The following RAB2A variants were observed in gnomAD, a reference collection of about 807,000 sequenced individuals.
The protein encoded by RAB2A is ras-related protein Rab-2A.
Under a neutral mutation model 32.5 loss-of-function variants are expected in RAB2A, and 7 were observed. The observed-to-expected ratio is 0.22, with a 90% CI of 0.12 to 0.40. The LOEUF (loss-of-function observed/expected upper bound fraction) is 0.40, where lower values mean the gene tolerates loss of function less well. Among genes scored for constraint, RAB2A ranks in the 10% least tolerant of loss-of-function variants. RAB2A has a pLI of 1.00. For synonymous variants in RAB2A, 79 were observed against 85.2 expected (o/e 0.93, Z 0.40); for missense variants, 108 against 260.7 (o/e 0.41, Z 4.03).
intron 1 of RAB2A, among the ~76,000 whole-genome samples, chr8:60,536,315 A>G (rs1232615634): frequency 1.3e-5 from 2 of 152,108 alleles, no homozygotes; most frequent in Non-Finnish European, 2.9e-5. Context: ...TAATCTGTCA[A>G]TTGCACAAGA....
chr8:60,541,549 C>T (rs573697450), intron 1 of RAB2A, among the ~76,000 whole-genome samples: 2 of 152,150 alleles, frequency 1.3e-5, no homozygotes, highest in African/African-American at 4.8e-5. Context: ...ATTAGCCAGG[C>T]GTGGTGGCAG....
intron 6 of RAB2A, among the ~76,000 whole-genome samples, chr8:60,610,726 A>G (rs1021791162): frequency 6.6e-6 from 1 of 152,190 alleles, no homozygotes; most frequent in African/African-American, 2.4e-5. Flanking sequence ...TCTGACTTTG[A>G]AAGTTGCATC....
At chr8:60,518,966 T>G (rs1383950026) in intron 1 of RAB2A, among the ~76,000 whole-genome samples, 1 of 152,194 alleles carries the variant, frequency 6.6e-6, no homozygotes, top group African/African-American at 2.4e-5. Flanking sequence ...TATTTGAGGC[T>G]GTACTGTGGA....
intron 1 of RAB2A, chr8:60,558,389 C>T (rs1283702505): frequency 8.1e-6 from 4 of 490,866 alleles, no homozygotes; most frequent in East Asian, 5.7e-5. Flanking sequence ...AATGAATTAG[C>T]GAGAAAACAG....
At chr8:60,567,359 C>G (rs1467355608) in intron 2 of RAB2A, among the ~76,000 whole-genome samples, 1 of 152,094 alleles carries the variant, frequency 6.6e-6, no homozygotes, top group African/African-American at 2.4e-5. Flanking sequence ...TGTGATCCAC[C>G]TGCCTTGGCC....
chr8:60,519,734 C>T (rs145132658), intron 1 of RAB2A, among the ~76,000 whole-genome samples: 1 of 152,018 alleles, frequency 6.6e-6, no homozygotes, highest in Non-Finnish European at 1.5e-5. Context: ...TCAGGAAGAG[C>T]GTAGTAGAAG....
intron 1 of RAB2A, among the ~76,000 whole-genome samples, chr8:60,523,475 C>T (rs1807332365): frequency 6.6e-6 from 1 of 152,046 alleles, no homozygotes; most frequent in Non-Finnish European, 1.5e-5. Context: ...CACATTCTTA[C>T]ATATGTCTCT....
intron 1 of RAB2A, chr8:60,552,745 C>G (rs535998610): frequency 4.6e-5 from 7 of 152,204 alleles, no homozygotes; most frequent in Admixed American, 2.6e-4. Context: ...TGGTTAAACC[C>G]CTCCCATCTT....
At chr8:60,587,739 T>G (rs1201290262) in intron 5 of RAB2A, among the ~76,000 whole-genome samples, 3 of 151,486 alleles carry the variant, frequency 2.0e-5, no homozygotes, top group Non-Finnish European at 4.4e-5. Flanking sequence ...ACATGATAAA[T>G]ATATGCAATT....
At chr8:60,570,652 T>G (rs1808185164) in intron 2 of RAB2A, among the ~76,000 whole-genome samples, 1 of 152,246 alleles carries the variant, frequency 6.6e-6, no homozygotes, top group Non-Finnish European at 1.5e-5. Flanking sequence ...TTTTTCAGTC[T>G]GATACATCAT....
chr8:60,587,536 T>C (rs953264951), intron 5 of RAB2A, among the ~76,000 whole-genome samples: 3 of 152,200 alleles, frequency 2.0e-5, no homozygotes, highest in African/African-American at 7.2e-5. Flanking sequence ...TTTAAAACTT[T>C]TGTTCTTCAA....
At chr8:60,594,306 C>A (rs1198666129) in intron 6 of RAB2A, among the ~76,000 whole-genome samples, 1 of 152,016 alleles carries the variant, frequency 6.6e-6, no homozygotes, top group Non-Finnish European at 1.5e-5. Context: ...CCAGACAAAT[C>A]CACATGATGA....
chr8:60,558,488 A>T, intron 1 of RAB2A: 1 of 510,122 alleles, frequency 2.0e-6, no homozygotes, highest in African/African-American at 1.9e-5. Flanking sequence ...AAAATGAACT[A>T]TTAACTATGC....
intron 7 of RAB2A, chr8:60,619,111 C>T (rs1183559329): frequency 6.6e-6 from 1 of 151,668 alleles, no homozygotes; most frequent in Non-Finnish European, 1.5e-5. Flanking sequence ...CCCAATATAG[C>T]ATAGCATGTT....
intron 2 of RAB2A, among the ~76,000 whole-genome samples, chr8:60,559,671 A>T (rs1807991446): frequency 6.6e-6 from 1 of 152,248 alleles, no homozygotes; most frequent in Non-Finnish European, 1.5e-5. Flanking sequence ...TGAAGAATCT[A>T]GCTGGATTAT....
intron 1 of RAB2A, among the ~76,000 whole-genome samples, chr8:60,530,032 A>G (rs1807452078): frequency 6.6e-6 from 1 of 151,896 alleles, no homozygotes; most frequent in Non-Finnish European, 1.5e-5. Flanking sequence ...GTGCAATAGC[A>G]TTATCATGAC....
intron 1 of RAB2A, among the ~76,000 whole-genome samples, chr8:60,533,082 T>G (rs1325535603): frequency 6.6e-6 from 1 of 152,260 alleles, no homozygotes; most frequent in Admixed American, 6.5e-5. Flanking sequence ...AGTATTTGCT[T>G]GTAAAATAAC....
At chr8:60,597,541 A>G (rs1441490825) in intron 6 of RAB2A, among the ~76,000 whole-genome samples, 2 of 152,282 alleles carry the variant, frequency 1.3e-5, no homozygotes, top group East Asian at 3.9e-4. Context: ...GTATATACCT[A>G]TGTAACAAAT....
rs1318896234 is a variant in RAB2A at position 60,584,258 on chromosome 8, A to G, written c.237A>G (p.Ala79=). Residue 79 remains alanine, a synonymous_variant, in exon 4 of 8, where the codon GCA becomes GCG. Coordinates refer to ENST00000262646, the MANE Select transcript of RAB2A (RefSeq NM_002865.3). Reference sequence around the variant, plus strand: ...TCACAAGGTCGTATTACAGAGGTGCAGCAGGAGCTTTACTAGTTTACGATA... The same window carrying G: ...TCACAAGGTCGTATTACAGAGGTGCGGCAGGAGCTTTACTAGTTTACGATA... ...RSITRSYYRG[A]AGALLVYDIT... is the part of the protein sequence containing the mutation. 1 of 1,609,600 alleles carries G rather than the reference A, an allele frequency of 6.2e-7. No homozygotes were observed. The highest frequency in any genetic ancestry group is 1.1e-5 in the South Asian group (1 of 91,016).
Sources: gnomAD v4.1 joint callset for allele counts (sites outside exome capture counted in the v4.1 genomes callset) on GRCh38, gnomAD v4.1.1 for gene constraint, MANE v1.5 for transcripts, NCBI Gene and HGNC (gene_info 2026-07-23, HGNC 2026-07-21) for gene names.